CDC42BPA: variants seen among roughly 807,000 people sequenced by gnomAD.
CDC42BPA encodes the protein CDC42 binding protein kinase alpha.
A neutral mutation model predicts 223.5 loss-of-function variants in CDC42BPA; 80 were observed. The ratio of observed to expected loss-of-function variants is 0.36; its 90% CI spans 0.30 to 0.43. The LOEUF (loss-of-function observed/expected upper bound fraction) is 0.43, where lower values mean the gene tolerates loss of function less well. Ranked by LOEUF, CDC42BPA falls within the 20% of genes least tolerant of loss-of-function variation. The probability of loss-of-function intolerance (pLI) is 1.00; values close to 1 mark genes in which losing one functional copy is unlikely to be tolerated. For synonymous variants in CDC42BPA, 694 were observed against 718.6 expected, an observed-to-expected ratio of 0.97 and a Z score of 0.55; for missense variants, 1,743 against 2,099.9, an observed-to-expected ratio of 0.83 and a Z score of 3.32.
At chr1:227,081,456 C>A in intron 16 of CDC42BPA, among the ~76,000 whole-genome samples, 1 of 145,802 alleles carries the variant, frequency 6.9e-6, no homozygotes, top group East Asian at 2.0e-4. Context: ...TTCTCTCTCT[C>A]TTTTTTTTTT....
At chr1:227,109,515 G>A (rs1168398747) in intron 14 of CDC42BPA, among the ~76,000 whole-genome samples, 2 of 151,904 alleles carry the variant, frequency 1.3e-5, no homozygotes, top group South Asian at 2.1e-4. Context: ...ACAGGCATGC[G>A]CCACCACGTT....
chr1:227,059,520 CCA>C lies in CDC42BPA; in HGVS notation c.2905-7537_2905-7536del, dbSNP rs1348995202. 6.0e-6 allele frequency: 6 copies of C among 1,002,342 alleles called. No individual in the cohort carries two copies. In the East Asian group the frequency reaches 1.6e-4, roughly 26 times the overall value. The allele number at this position is 1,002,342 out of a possible 1,614,324, so 62.1% of individuals were successfully genotyped here. A position where few individuals can be genotyped will look rare whatever the true frequency, so the allele number is the denominator to read the frequency against. ...AAAGTATATAAACATACATATAAAG[CCA>C]CAGTTTTGGATAGGTTGAATGTACA... On this transcript the variant is annotated intron_variant, in intron 21 of 36. Coordinates refer to ENST00000366766, the MANE Select transcript of CDC42BPA (RefSeq NM_001394014.1).
At position 227,085,081 on chromosome 1, in the gene CDC42BPA, G is replaced by GGTCT. The variant is rs145839613; in HGVS notation, c.2356-4068_2356-4065dup. ...TGGAACTACAAAATATACTCTCCTG[G>GGTCT]GTCTCCAGCTTGCCCAATGCAGATC... On this transcript the variant is annotated intron_variant, in intron 16 of 36. Coordinates refer to ENST00000366766, the MANE Select transcript of CDC42BPA (RefSeq NM_001394014.1). Among the ~76,000 whole-genome samples the GGTCT allele has an allele frequency of 4.9e-3, 750 of 152,096 alleles. 4 individuals carry two copies. The highest frequency in any genetic ancestry group is 0.017 in the African/African-American group (701 of 41,504).
intron 2 of CDC42BPA, among the ~76,000 whole-genome samples, chr1:227,245,551 A>G (rs1329692572): frequency 1.3e-5 from 2 of 152,112 alleles, no homozygotes; most frequent in Non-Finnish European, 2.9e-5. Context: ...TTGGCCTCCC[A>G]AAGTGCTGAG....
At chr1:227,068,274 T>A (rs566205598) in intron 21 of CDC42BPA, among the ~76,000 whole-genome samples, 1 of 150,812 alleles carries the variant, frequency 6.6e-6, no homozygotes, top group Non-Finnish European at 1.5e-5. Flanking sequence ...TTAACCAACA[T>A]AGAAATTAAA....
intron 2 of CDC42BPA, among the ~76,000 whole-genome samples, chr1:227,247,684 A>T (rs1387521281): frequency 6.6e-6 from 1 of 152,118 alleles, no homozygotes; most frequent in Non-Finnish European, 1.5e-5. Context: ...CAGGAGTTCG[A>T]GACCAGCCTG....
At chr1:227,110,236 C>CT (rs1686696971) in intron 14 of CDC42BPA, among the ~76,000 whole-genome samples, 1 of 152,092 alleles carries the variant, frequency 6.6e-6, no homozygotes. Context: ...CTCTTTAAGT[C>CT]TGTCAAAAGT....
intron 1 of CDC42BPA, among the ~76,000 whole-genome samples, chr1:227,280,508 A>G (rs1350607386): frequency 6.6e-6 from 1 of 152,242 alleles, no homozygotes; most frequent in African/African-American, 2.4e-5. Context: ...GTTCTCAAAC[A>G]GATGGATTTT....
intron 23 of CDC42BPA, among the ~76,000 whole-genome samples, chr1:227,041,461 A>T (rs1671360711): frequency 6.6e-6 from 1 of 152,202 alleles, no homozygotes; most frequent in Admixed American, 6.6e-5. Context: ...ATGAATACTG[A>T]TTTTAAAAGG....
Position 227,012,821 on chromosome 1 carries a change from C to A in CDC42BPA, c.4857+3259G>T, listed in dbSNP as rs190457061. ...ACAAGCTTTTCAATAGATACATACA[C>A]AAGTACAGGCATGCATATTATTATT... is the stretch of plus-strand genomic sequence containing the variant. On this transcript the variant is annotated intron_variant, in intron 34 of 36. Coordinates refer to ENST00000366766, the MANE Select transcript of CDC42BPA (RefSeq NM_001394014.1). Among the ~76,000 whole-genome samples the A allele has an allele frequency of 6.0e-3, 914 of 152,118 alleles. 10 individuals carry two copies. Among genetic ancestry groups the A allele is most frequent in the African/African-American group, 0.021 (860 of 41,518 alleles).
chr1:226,994,415 TA>T lies in CDC42BPA; in HGVS notation c.5134-17del. ...AGTCAGAGTCCTGTAAGGCCCAAAG[TA>T]AAACATTAATGAGAAGGAGGGGGAG... is the stretch of plus-strand genomic sequence containing the variant. On this transcript the variant is annotated splice_polypyrimidine_tract_variant and intron_variant, in intron 36 of 36. Coordinates refer to ENST00000366766, the MANE Select transcript of CDC42BPA (RefSeq NM_001394014.1). The surrounding 1 kb of genome is among the most constrained non-coding windows in gnomAD (Gnocchi z 4.0). 2 of 1,492,100 alleles carry T rather than the reference TA, an allele frequency of 1.3e-6. No individual in the cohort carries two copies. Among genetic ancestry groups the T allele is most frequent in the South Asian group, 2.7e-5 (2 of 75,040 alleles). The allele number at this position is 1,492,100 out of a possible 1,614,324, so 92.4% of individuals were successfully genotyped here.
chr1:227,196,389 G>A lies in CDC42BPA; in HGVS notation c.451-2455C>T, dbSNP rs533145345. On this transcript the variant is annotated intron_variant, in intron 4 of 36. Coordinates refer to ENST00000366766, the MANE Select transcript of CDC42BPA (RefSeq NM_001394014.1). ...GAGTCTCCCTCTGTTGCCCAGGCTG[G>A]AGTGCAGTGGCGTGACCTCAGCTCA... is the stretch of plus-strand genomic sequence containing the variant. Among the ~76,000 whole-genome samples the A allele has an allele frequency of 2.0e-3, 245 of 124,714 alleles. 1 individual carries two copies. Among genetic ancestry groups the A allele is most frequent in the African/African-American group, 7.3e-3 (230 of 31,334 alleles). The allele number at this position is 124,714 out of a possible 152,430, so 81.8% of individuals were successfully genotyped here. A position where few individuals can be genotyped will look rare whatever the true frequency, so the allele number is the denominator to read the frequency against.
rs970302394 is a variant in CDC42BPA at position 226,993,620 on chromosome 1, C to T, written c.*648G>A. On this transcript the variant is annotated 3_prime_UTR_variant, in exon 37 of 37. Coordinates refer to ENST00000366766, the MANE Select transcript of CDC42BPA (RefSeq NM_001394014.1). ...TTTACATTACATTACAGACAAGAAA[C>T]AACATATTTCTTTAAATTAAATCAT... The T allele has an allele frequency of 6.6e-6, 1 of 152,652 alleles. No individual in the cohort carries two copies. The highest frequency in any genetic ancestry group is 1.5e-5 in the Non-Finnish European group (1 of 68,040). The allele number at this position is 152,652 out of a possible 1,614,324, so 9.5% of individuals were successfully genotyped here. A position where few individuals can be genotyped will look rare whatever the true frequency, so the allele number is the denominator to read the frequency against.
chr1:227,263,985 C>T (rs1298180432), intron 1 of CDC42BPA, among the ~76,000 whole-genome samples: 1 of 152,136 alleles, frequency 6.6e-6, no homozygotes, highest in South Asian at 2.1e-4. Context: ...TATAGTAACT[C>T]CAGATATATG....
intron 5 of CDC42BPA, among the ~76,000 whole-genome samples, chr1:227,168,498 T>TG (rs201885821): frequency 1.1e-3 from 29 of 25,424 alleles, no homozygotes; most frequent in East Asian, 4.2e-3. Flanking sequence ...TTCCCTGGTG[T>TG]TTTTTTTTTT....
rs1674635904 is a variant in CDC42BPA, at chr1:227,215,302, T to C, written c.271-2083A>G. Among the ~76,000 whole-genome samples, 3 of 152,200 alleles carry C rather than the reference T, an allele frequency of 2.0e-5. 1 individual carries two copies. Among genetic ancestry groups the C allele is most frequent in the African/African-American group, 7.2e-5 (3 of 41,448 alleles). On this transcript the variant is annotated intron_variant, in intron 2 of 36. Transcript: ENST00000366766. The stretch of plus-strand genomic sequence containing the variant: ...TGGGGAGTGGTGATAGCATGGATTC[T>C]GAAGCCAGACTACTTGGGTTTGAAT...
At chr1:227,084,495 T>C (rs1044068386) in intron 16 of CDC42BPA, among the ~76,000 whole-genome samples, 9 of 145,074 alleles carry the variant, frequency 6.2e-5, no homozygotes, top group African/African-American at 1.8e-4. Context: ...GCCACTGCAC[T>C]CCAGCCTGGG....
intron 17 of CDC42BPA, among the ~76,000 whole-genome samples, chr1:227,075,955 A>G (rs898513571): frequency 2.6e-5 from 4 of 152,132 alleles, no homozygotes; most frequent in African/African-American, 9.7e-5. Context: ...TTATATGACA[A>G]TCTCTTTTTT....
At position 227,010,937 on chromosome 1, in the gene CDC42BPA, G is replaced by C. The variant is rs149721518; in HGVS notation, c.4857+5143C>G. 4 of 1,365,300 alleles carry C rather than the reference G, an allele frequency of 2.9e-6. No individual in the cohort carries two copies. The South Asian group carries it at 4.6e-5, about 16-fold the overall frequency. The allele number at this position is 1,365,300 out of a possible 1,614,324, so 84.6% of individuals were successfully genotyped here. ...GAGCGCAGAGACGGGGAATATTCAGGGTTTATGGAATCAGGAGAGAGAAAT... is the reference window on the plus strand; with the variant it reads ...GAGCGCAGAGACGGGGAATATTCAGCGTTTATGGAATCAGGAGAGAGAAAT... On this transcript the variant is annotated intron_variant, in intron 34 of 36. Transcript: ENST00000366766.
Sources: gnomAD v4.1 joint callset for allele counts (sites outside exome capture counted in the v4.1 genomes callset) on GRCh38, gnomAD v4.1.1 for gene constraint, Gnocchi (gnomAD v3.1) non-coding constraint, MANE v1.5 for transcripts, NCBI Gene and HGNC (gene_info 2026-07-23, HGNC 2026-07-21) for gene names.